GAK: variants seen among roughly 807,000 people sequenced by gnomAD.
GAK encodes the protein cyclin G associated kinase, also known as cyclin-G-associated kinase.
GAK carries 79 observed loss-of-function variants against 143.9 expected under a neutral mutation model. That is an observed-to-expected ratio of 0.55 (90% CI 0.46 to 0.66). The LOEUF (loss-of-function observed/expected upper bound fraction) is 0.66. Among genes scored for constraint, GAK ranks in the 30% least tolerant of loss-of-function variants. The pLI is 0.00. For missense variants in GAK, 1,693 were observed against 1,779.7 expected, an observed-to-expected ratio of 0.95 and a Z score of 0.88; for synonymous variants, 881 against 765.5, an observed-to-expected ratio of 1.15 and a Z score of -2.49.
In GAK at chr4:866,969, C is replaced by T. The variant is rs777611396; in HGVS notation, c.2859G>A (p.Gly953=). 8.1e-6 allele frequency: 12 copies of T among 1,487,460 alleles called. No homozygotes were observed. In the East Asian group the frequency reaches 2.1e-4, roughly 27 times the overall value. 92.1% of individuals were successfully genotyped at this position (1,487,460 alleles called of 1,614,324 possible). A position where few individuals can be genotyped will look rare whatever the true frequency, so the allele number is the denominator to read the frequency against. The change falls in exon 21 of 28, where the codon GGG becomes GGA. Residue 953 remains glycine, a synonymous_variant. Coordinates refer to ENST00000314167, the MANE Select transcript of GAK (RefSeq NM_005255.4). ...PLSVQSTPRG[G]PPAAADPFGP... ...AGAAACACGTACCAGCGGCAGGGGG[C>T]CCTCCTCTTGGGGTGCTCTGCACGC...
chr4:896,805 C>T (rs1167240900), intron 6 of GAK, among the ~76,000 whole-genome samples: 1 of 152,264 alleles, frequency 6.6e-6, no homozygotes, highest in African/African-American at 2.4e-5. Flanking sequence ...TCCCGTGCTT[C>T]ATGGCATGTC....
At chr4:895,619 G>A (rs1245497114) in intron 7 of GAK, among the ~76,000 whole-genome samples, 1 of 152,240 alleles carries the variant, frequency 6.6e-6, no homozygotes, top group Non-Finnish European at 1.5e-5. Flanking sequence ...AATACACTAC[G>A]GAGGGCCAAC....
At chr4:849,833 G>GGGGGGCGGCCCCCCC in intron 27 of GAK, 59 bp from the exon 28 acceptor site, 1 of 1,190,156 alleles carries the variant, frequency 8.4e-7, no homozygotes, top group Non-Finnish European at 1.2e-6. Context: ...GGCGGGGCAG[G>GGGGGGCGGCCCCCCC]ACCCCCCCCC....
intron 15 of GAK, among the ~76,000 whole-genome samples, chr4:881,130 G>C (rs1715015002): frequency 6.6e-6 from 1 of 152,228 alleles, no homozygotes; most frequent in Non-Finnish European, 1.5e-5. Flanking sequence ...TCCACAGGCT[G>C]TGCGCCCCAT....
intron 12 of GAK, 124 bp downstream of exon 12, chr4:883,911 CCT>C (rs2152819025): frequency 3.2e-6 from 3 of 942,900 alleles, no homozygotes; most frequent in Middle Eastern, 3.0e-4. Flanking sequence ...CCAGGTCACC[CCT>C]GTGAGTCTGT....
chr4:921,202 A>C lies in GAK; in HGVS notation c.146-7534T>G, dbSNP rs528929608. On this transcript the variant is annotated intron_variant, in intron 1 of 27. Coordinates refer to ENST00000314167, the MANE Select transcript of GAK (RefSeq NM_005255.4). Reference sequence around the variant, plus strand: ...ACTGTAGCCTCCGCCTCCCAGGTTCAAGCGATTCTCCTGCCTCAGTCTCCC... The same window carrying C: ...ACTGTAGCCTCCGCCTCCCAGGTTCCAGCGATTCTCCTGCCTCAGTCTCCC... Among the ~76,000 whole-genome samples, 3 of 152,226 alleles carry C rather than the reference A, an allele frequency of 2.0e-5. No individual in the cohort carries two copies. The South Asian group carries it at 6.2e-4, about 32-fold the overall frequency.
In GAK at chr4:882,037, C is replaced by T. The variant is rs1338220297; in HGVS notation, c.1531G>A (p.Gly511Arg). The T allele has an allele frequency of 2.5e-6, 4 of 1,602,704 alleles. No homozygotes were observed. The highest frequency in any genetic ancestry group is 3.4e-6 in the Non-Finnish European group (4 of 1,174,876). ...ACGGCCACAGCAGACGCGGCTCTCC[C>T]GTCCTAGGACAGACAGACACGTCTC... ...KNVCVVHCMD[G>R]RAASAVAVCS... Residue 511 changes from glycine to arginine, a missense_variant, in exon 15 of 28, where the codon GGG (glycine) becomes AGG (arginine). Coordinates refer to ENST00000314167, the MANE Select transcript of GAK (RefSeq NM_005255.4).
chr4:883,287 C>G, intron 13 of GAK, 28 bp downstream of exon 13: 1 of 1,610,196 alleles, frequency 6.2e-7, no homozygotes, highest in Non-Finnish European at 8.5e-7. Flanking sequence ...TCCAGAGTGG[C>G]ACCAAGACAA....
At position 920,538 on chromosome 4, in the gene GAK, C is replaced by CTTTTTTTT. The variant is rs1560440258; in HGVS notation, c.146-6871_146-6870insAAAAAAAA. 1.9e-4 allele frequency among the ~76,000 whole-genome samples: 14 copies of CTTTTTTTT among 73,770 alleles called. No individual in the cohort carries two copies. The South Asian group carries it at 2.7e-3, about 14-fold the overall frequency. The allele number at this position is 73,770 out of a possible 152,430, so 48.4% of individuals were successfully genotyped here. A position where few individuals can be genotyped will look rare whatever the true frequency, so the allele number is the denominator to read the frequency against. On this transcript the variant is annotated intron_variant, in intron 1 of 27. Coordinates refer to ENST00000314167, the MANE Select transcript of GAK (RefSeq NM_005255.4). ...CAAAATTGTGAAAAAGGTTTAGAGC[C>CTTTTTTTT]ATTTTTTTTTTTTTTTTTTTTTTGA...
chr4:893,232 A>G, intron 9 of GAK, 145 bp downstream of exon 9: 1 of 527,682 alleles, frequency 1.9e-6, no homozygotes, highest in Non-Finnish European at 3.3e-6. Context: ...GTGATAGGAG[A>G]CTTAGGGTTC....
At chr4:876,230 C>G (rs1367474075) in intron 18 of GAK, among the ~76,000 whole-genome samples, 1 of 151,932 alleles carries the variant, frequency 6.6e-6, no homozygotes, top group Admixed American at 6.5e-5. Context: ...ACAGCAGGCT[C>G]AGGAACGTTT....
At chr4:879,536 C>T (rs573628839) in intron 15 of GAK, among the ~76,000 whole-genome samples, 17 of 152,294 alleles carry the variant, frequency 1.1e-4, no homozygotes, top group South Asian at 6.2e-4. Context: ...GAGAACCTTG[C>T]GGCTGACATC....
intron 12 of GAK, 129 bp from the exon 13 acceptor site, chr4:883,592 A>T: frequency 9.5e-7 from 1 of 1,048,346 alleles, no homozygotes; most frequent in South Asian, 1.4e-5. Context: ...GCCACTGCCC[A>T]CACAGCCGGC....
In GAK at chr4:898,777, C is replaced by T. The variant is rs148250397; in HGVS notation, c.526-619G>A. The stretch of plus-strand genomic sequence containing the variant: ...ACTCAGGAGGCTGAGGCAGGAGAAT[C>T]GCTTGAACTTGGGAGGCGGAGGCTG... On this transcript the variant is annotated intron_variant, in intron 5 of 27. Coordinates refer to ENST00000314167, the MANE Select transcript of GAK (RefSeq NM_005255.4). 1.9e-3 allele frequency among the ~76,000 whole-genome samples: 293 copies of T among 152,166 alleles called. 1 individual carries two copies. The highest frequency in any genetic ancestry group is 0.017 in the East Asian group (88 of 5,166).
At chr4:856,436 A>C (rs1357665738) in intron 24 of GAK, among the ~76,000 whole-genome samples, 1 of 118,340 alleles carries the variant, frequency 8.5e-6, no homozygotes, top group Non-Finnish European at 1.7e-5. Context: ...ACACCTGCTC[A>C]CCACAGCTGC....
intron 5 of GAK, among the ~76,000 whole-genome samples, chr4:899,176 A>G (rs535302870): frequency 2.0e-5 from 3 of 152,234 alleles, no homozygotes; most frequent in Non-Finnish European, 4.4e-5. Flanking sequence ...CCCAGCTCAC[A>G]CAATCAAGGA....
chr4:913,687 T>C lies in GAK; in HGVS notation c.146-19A>G, dbSNP rs745599186. 4.4e-6 allele frequency: 7 copies of C among 1,595,634 alleles called. No homozygotes were observed. The highest frequency in any genetic ancestry group is 1.7e-4 in the Middle Eastern group (1 of 6,056). On this transcript the variant is annotated intron_variant, in intron 1 of 27. Coordinates refer to ENST00000314167, the MANE Select transcript of GAK (RefSeq NM_005255.4). ...AACCCTCCTGAAAATTAAAAAGACT[T>C]GTCAGTTCAATGCTATGATTTTATT...
chr4:862,773 T>C (rs1164696995), intron 23 of GAK, among the ~76,000 whole-genome samples: 2 of 152,198 alleles, frequency 1.3e-5, no homozygotes, highest in Non-Finnish European at 2.9e-5. Context: ...TTAAGTCCAC[T>C]GTTGAGATCT....
rs1723488776 is a variant in GAK, at chr4:918,974, AGT to A, written c.146-5308_146-5307del. Among the ~76,000 whole-genome samples the A allele has an allele frequency of 5.1e-5, 4 of 77,798 alleles. 1 individual carries two copies. The highest frequency in any genetic ancestry group is 4.2e-5 in the African/African-American group (1 of 23,612). 51.0% of individuals were successfully genotyped at this position (77,798 alleles called of 152,430 possible). ...AAAGACAGAAGGCTCCAAAGGCCTC[AGT>A]GCCCCATGACCTTAGAAAGACAGAA... On this transcript the variant is annotated intron_variant, in intron 1 of 27. Transcript: ENST00000314167.
Sources: allele counts gnomAD v4.1 joint callset (sites outside exome capture counted in the v4.1 genomes callset), GRCh38; gene constraint gnomAD v4.1.1; transcripts MANE v1.5; gene names NCBI Gene and HGNC (gene_info 2026-07-23, HGNC 2026-07-21).